BTBD9: variants seen among roughly 807,000 people sequenced by gnomAD.
The protein encoded by BTBD9 is BTB domain containing 9.
In BTBD9, 49 loss-of-function variants were observed where a neutral mutation model predicts 64.3. The ratio of observed to expected loss-of-function variants is 0.76; its 90% CI spans 0.61 to 0.97. The LOEUF (loss-of-function observed/expected upper bound fraction) is 0.97. Ranked by LOEUF, BTBD9 falls within the 50% of genes least tolerant of loss-of-function variation. The pLI is 0.00. For synonymous variants in BTBD9, 260 were observed against 274.7 expected (o/e 0.95, Z 0.53); for missense variants, 598 against 762.1 (o/e 0.78, Z 2.53).
At chr6:38,355,325 T>C (rs1387118811) in intron 6 of BTBD9, among the ~76,000 whole-genome samples, 2 of 152,202 alleles carry the variant, frequency 1.3e-5, no homozygotes, top group African/African-American at 2.4e-5. Flanking sequence ...AGGAGTCCTA[T>C]GCACTGTTGA....
At chr6:38,633,671 C>T (rs1778434318) in intron 1 of BTBD9, among the ~76,000 whole-genome samples, 1 of 152,224 alleles carries the variant, frequency 6.6e-6, no homozygotes, top group East Asian at 1.9e-4. Context: ...AAACTGAACA[C>T]TTAGCTGCTT....
chr6:38,279,000 C>T (rs1416605243), intron 8 of BTBD9, among the ~76,000 whole-genome samples: 4 of 152,142 alleles, frequency 2.6e-5, no homozygotes, highest in Non-Finnish European at 5.9e-5. Flanking sequence ...AGAGGCAGTG[C>T]AGCAGGCAAA....
In BTBD9 at chr6:38,428,903, G is replaced by T. The variant is rs182326346; in HGVS notation, c.1155-83810C>A. ...TTTTTGTATGTTTAGTAGAGACGGG[G>T]TTTCACCGTGTTAGCCAGTATGGTC... On this transcript the variant is annotated intron_variant, in intron 6 of 10. Coordinates refer to ENST00000481247, the MANE Select transcript of BTBD9 (RefSeq NM_001099272.2). Among the ~76,000 whole-genome samples the T allele has an allele frequency of 7.0e-4, 106 of 151,270 alleles. 2 individuals carry two copies. In the East Asian group the frequency reaches 0.018, roughly 26 times the overall value.
At chr6:38,299,738 T>C (rs1441300165) in intron 7 of BTBD9, among the ~76,000 whole-genome samples, 1 of 152,228 alleles carries the variant, frequency 6.6e-6, no homozygotes, top group Admixed American at 6.5e-5. Flanking sequence ...TTGGAGTTCA[T>C]TGTAGATTCT....
intron 6 of BTBD9, among the ~76,000 whole-genome samples, chr6:38,441,443 A>AG (rs1290049144): frequency 1.3e-5 from 2 of 151,948 alleles, no homozygotes. Flanking sequence ...TGTTTTAGAG[A>AG]GGGGGTCCCA....
chr6:38,634,205 G>A (rs1218037642), intron 1 of BTBD9, among the ~76,000 whole-genome samples: 1 of 152,152 alleles, frequency 6.6e-6, no homozygotes, highest in South Asian at 2.1e-4. Flanking sequence ...TTATAATTTT[G>A]CACAGCTACT....
At chr6:38,426,665 T>C (rs570810907) in intron 6 of BTBD9, among the ~76,000 whole-genome samples, 2 of 151,938 alleles carry the variant, frequency 1.3e-5, no homozygotes, top group Non-Finnish European at 2.9e-5. Flanking sequence ...CCATTGTTCC[T>C]GCATGGCTAA....
At chr6:38,403,617 A>G (rs1422451848) in intron 6 of BTBD9, among the ~76,000 whole-genome samples, 2 of 152,246 alleles carry the variant, frequency 1.3e-5, no homozygotes, top group Admixed American at 6.5e-5. Flanking sequence ...GAACCATTTC[A>G]TACTACTAGC....
chr6:38,603,070 T>G (rs1777313576), intron 1 of BTBD9, among the ~76,000 whole-genome samples: 1 of 152,166 alleles, frequency 6.6e-6, no homozygotes, highest in Non-Finnish European at 1.5e-5. Flanking sequence ...TTGCTGATCC[T>G]CACAGCATAG....
chr6:38,439,110 C>CTT (rs35699356), intron 6 of BTBD9, among the ~76,000 whole-genome samples: 121 of 63,960 alleles, frequency 1.9e-3, no homozygotes, highest in Non-Finnish European at 2.3e-3. Flanking sequence ...TAGCAACTGA[C>CTT]TTTTTTTTTT....
At chr6:38,562,887 C>A (rs1358979605) in intron 6 of BTBD9, among the ~76,000 whole-genome samples, 1 of 152,120 alleles carries the variant, frequency 6.6e-6, no homozygotes, top group Non-Finnish European at 1.5e-5. Flanking sequence ...ATAAAGTATA[C>A]ATTTCCTTCT....
At chr6:38,240,751 G>T (rs1230395463) in intron 9 of BTBD9, among the ~76,000 whole-genome samples, 1 of 152,142 alleles carries the variant, frequency 6.6e-6, no homozygotes, top group Non-Finnish European at 1.5e-5. Flanking sequence ...AAGGCATTTG[G>T]AATTGTAGAT....
intron 9 of BTBD9, among the ~76,000 whole-genome samples, chr6:38,255,633 G>A (rs1764550302): frequency 6.6e-6 from 1 of 152,132 alleles, no homozygotes; most frequent in South Asian, 2.1e-4. Context: ...TGCATTAAAT[G>A]CCTCTGTTTG....
chr6:38,320,682 G>C (rs1282903696), intron 7 of BTBD9, among the ~76,000 whole-genome samples: 2 of 152,122 alleles, frequency 1.3e-5, no homozygotes, highest in African/African-American at 4.8e-5. Flanking sequence ...GCCTTTTTAT[G>C]AATATTGACA....
intron 6 of BTBD9, among the ~76,000 whole-genome samples, chr6:38,516,654 A>G (rs1405029512): frequency 6.6e-6 from 1 of 152,198 alleles, no homozygotes; most frequent in Admixed American, 6.5e-5. Context: ...GGCTTATTAG[A>G]TGCACCCAAT....
intron 6 of BTBD9, among the ~76,000 whole-genome samples, chr6:38,367,106 C>T (rs1193799259): frequency 3.9e-5 from 6 of 152,184 alleles, no homozygotes; most frequent in African/African-American, 1.2e-4. Flanking sequence ...TACAGATAAA[C>T]GATTTCTGAC....
chr6:38,529,046 G>C (rs1773654796), intron 6 of BTBD9, among the ~76,000 whole-genome samples: 1 of 152,120 alleles, frequency 6.6e-6, no homozygotes, highest in African/African-American at 2.4e-5. Context: ...TGGTCCTGAA[G>C]GGAGCCCACT....
At chr6:38,613,355 C>T (rs531552636) in intron 1 of BTBD9, among the ~76,000 whole-genome samples, 1 of 152,240 alleles carries the variant, frequency 6.6e-6, no homozygotes, top group Non-Finnish European at 1.5e-5. Flanking sequence ...GGCATGGTGA[C>T]TCACGCTTGT....
intron 6 of BTBD9, among the ~76,000 whole-genome samples, chr6:38,547,134 C>T (rs1192394162): frequency 6.6e-6 from 1 of 152,184 alleles, no homozygotes; most frequent in Admixed American, 6.5e-5. Flanking sequence ...CTCCTTGGGC[C>T]TCCCTATTCC....
Sources: allele counts gnomAD v4.1 joint callset (sites outside exome capture counted in the v4.1 genomes callset), GRCh38; gene constraint gnomAD v4.1.1; transcripts MANE v1.5; gene names NCBI Gene and HGNC (gene_info 2026-07-23, HGNC 2026-07-21).